Variants in CBFA2T2 observed in about 807,000 individuals in gnomAD.
CBFA2T2 encodes protein CBFA2T2.
In CBFA2T2, 11 loss-of-function variants were observed where a neutral mutation model predicts 62.2. The ratio of observed to expected loss-of-function variants is 0.18; its 90% CI spans 0.11 to 0.29. The LOEUF is 0.29. CBFA2T2 is among the 10% of genes least tolerant of loss of function. The probability of loss-of-function intolerance (pLI) is 1.00; values close to 1 mark genes in which losing one functional copy is unlikely to be tolerated. For synonymous variants in CBFA2T2, 295 were observed against 287.5 expected (o/e 1.03, Z -0.27); for missense variants, 592 against 774.1 (o/e 0.76, Z 2.79).
At position 33,637,965 on chromosome 20, in the gene CBFA2T2, C is replaced by A. The variant is rs1331370983; in HGVS notation, c.1297+1257C>A. Among the ~76,000 whole-genome samples, 4 of 116,888 alleles carry A rather than the reference C, an allele frequency of 3.4e-5. 1 individual carries two copies. The Admixed American group carries it at 4.2e-4, about 12-fold the overall frequency. 76.7% of individuals were successfully genotyped at this position (116,888 alleles called of 152,430 possible). On this transcript the variant is annotated intron_variant, in intron 9 of 10. Transcript: ENST00000342704. ...TACAGACGTGAGCCACTGCACCCGG[C>A]CTTTTTTTTTTTTTTTTTTTTTTTT...
chr20:33,503,902 A>G (rs2011350985), intron 1 of CBFA2T2, among the ~76,000 whole-genome samples: 1 of 151,354 alleles, frequency 6.6e-6, no homozygotes, highest in Admixed American at 6.6e-5. Flanking sequence ...TTTTCATGGC[A>G]TAGTTCTATT....
intron 2 of CBFA2T2, 90 bp from the exon 3 acceptor site, chr20:33,611,004 T>C (rs1442538993): frequency 2.0e-6 from 3 of 1,529,390 alleles, no homozygotes; most frequent in African/African-American, 1.4e-5. Context: ...AAAATTCAAA[T>C]GAACAAACGA....
chr20:33,590,187 A>G (rs1235025492), intron 1 of CBFA2T2, among the ~76,000 whole-genome samples: 1 of 151,530 alleles, frequency 6.6e-6, no homozygotes, highest in African/African-American at 2.4e-5. Context: ...TTCAGGCTGC[A>G]GTGAGCCTAG....
At chr20:33,566,082 C>T (rs1279399183) in intron 1 of CBFA2T2, among the ~76,000 whole-genome samples, 1 of 152,050 alleles carries the variant, frequency 6.6e-6, no homozygotes, top group African/African-American at 2.4e-5. Context: ...TAGTCAAACA[C>T]ATTATTTTAT....
At chr20:33,531,867 A>G (rs2012071467) in intron 1 of CBFA2T2, among the ~76,000 whole-genome samples, 1 of 152,254 alleles carries the variant, frequency 6.6e-6, no homozygotes, top group Middle Eastern at 3.2e-3. Context: ...GAAAGCTGGT[A>G]AAGATCAAGT....
intron 1 of CBFA2T2, among the ~76,000 whole-genome samples, chr20:33,500,284 G>A (rs887624299): frequency 3.3e-5 from 5 of 151,896 alleles, no homozygotes; most frequent in African/African-American, 4.8e-5. Context: ...ACCCTCTATC[G>A]CATGGCTTCT....
At chr20:33,640,059 C>T (rs1030579108) in intron 9 of CBFA2T2, among the ~76,000 whole-genome samples, 2 of 152,206 alleles carry the variant, frequency 1.3e-5, no homozygotes, top group East Asian at 1.9e-4. Context: ...ATGACATACA[C>T]GATGGCACCT....
chr20:33,494,111 C>T (rs1218830939), intron 1 of CBFA2T2, among the ~76,000 whole-genome samples: 2 of 150,946 alleles, frequency 1.3e-5, no homozygotes, highest in African/African-American at 4.9e-5. Context: ...AAACTCCTGA[C>T]CTAAAGTGAT....
At chr20:33,575,316 T>G (rs1449479556) in intron 1 of CBFA2T2, among the ~76,000 whole-genome samples, 1 of 152,250 alleles carries the variant, frequency 6.6e-6, no homozygotes, top group Non-Finnish European at 1.5e-5. Context: ...CCCTGCTGTT[T>G]AAAATTAGTT....
chr20:33,630,125 T>A (rs1051770424), intron 8 of CBFA2T2, among the ~76,000 whole-genome samples: 3 of 151,964 alleles, frequency 2.0e-5, no homozygotes, highest in Non-Finnish European at 4.4e-5. Flanking sequence ...GGTTTTTTTG[T>A]TTTGGATAGA....
chr20:33,619,567 A>G lies in CBFA2T2; in HGVS notation c.471A>G (p.Thr157=), dbSNP rs1215932602. The change falls in exon 4 of 11, where the codon ACA becomes ACG. Residue 157 remains threonine (T), a synonymous_variant. Coordinates refer to ENST00000342704, the MANE Select transcript of CBFA2T2 (RefSeq NM_001032999.3). ...TCCACTGTAAGCTCCAAGAAGCCAC[A>G]AACTTTCCCCTTCGTCCTTTTGTGA... ...EEFHCKLQEA[T]NFPLRPFVIP... The G allele has an allele frequency of 1.9e-6, 3 of 1,610,114 alleles. No homozygotes were observed. The highest frequency in any genetic ancestry group is 1.7e-6 in the Non-Finnish European group (2 of 1,178,286).
intron 1 of CBFA2T2, among the ~76,000 whole-genome samples, chr20:33,536,343 A>T (rs1383999293): frequency 7.3e-6 from 1 of 136,470 alleles, no homozygotes; most frequent in Non-Finnish European, 1.6e-5. Flanking sequence ...CTGGCCGGGC[A>T]GAGGGGCTCC....
In CBFA2T2 at chr20:33,491,307, T is replaced by C. The variant is rs578003359; in HGVS notation, c.34+1006T>C. Among the ~76,000 whole-genome samples, 11 of 152,272 alleles carry C rather than the reference T, an allele frequency of 7.2e-5. No individual in the cohort carries two copies. In the East Asian group the frequency reaches 2.1e-3, roughly 29 times the overall value. Reference sequence around the variant, plus strand: ...ATACAATAAACAAGATAGACCGAACTGGGGTTTTGAGTTTAGTTAGGAGAG... The same window carrying C: ...ATACAATAAACAAGATAGACCGAACCGGGGTTTTGAGTTTAGTTAGGAGAG... On this transcript the variant is annotated intron_variant, in intron 1 of 10. Coordinates refer to ENST00000342704, the MANE Select transcript of CBFA2T2 (RefSeq NM_001032999.3).
At chr20:33,637,485 T>G (rs771578664) in intron 9 of CBFA2T2, among the ~76,000 whole-genome samples, 2 of 152,184 alleles carry the variant, frequency 1.3e-5, no homozygotes, top group Non-Finnish European at 2.9e-5. Context: ...TGCAAAATAT[T>G]TTTCCTTACT....
intron 1 of CBFA2T2, chr20:33,562,649 G>A (rs2013131699): frequency 1.0e-6 from 1 of 985,382 alleles, no homozygotes; most frequent in Non-Finnish European, 1.2e-6. Context: ...TAAGAATCTG[G>A]ATTGTTTATA....
intron 1 of CBFA2T2, among the ~76,000 whole-genome samples, chr20:33,549,788 C>T (rs1193761657): frequency 6.6e-6 from 1 of 151,796 alleles, no homozygotes; most frequent in African/African-American, 2.4e-5. Context: ...AGGTTTTTTC[C>T]CCTGCTGCAA....
intron 1 of CBFA2T2, among the ~76,000 whole-genome samples, chr20:33,542,247 A>G (rs747867502): frequency 1.2e-4 from 18 of 152,136 alleles, no homozygotes; most frequent in East Asian, 1.9e-4. Context: ...TTGCTCTTCT[A>G]TTGCCTGAGT....
rs2017035424 is a variant in CBFA2T2 at position 33,646,007 on chromosome 20, T to C, written c.*1361T>C. On this transcript the variant is annotated 3_prime_UTR_variant, in exon 11 of 11. Transcript: ENST00000342704. ...TCTTTTTGGGTTTTGTTTTTTGTTG[T>C]TGTGGTGGTTTTTTAACACAAAGTC... 1 of 152,156 alleles carries C rather than the reference T, an allele frequency of 6.6e-6. No homozygotes were observed. The highest frequency in any genetic ancestry group is 3.2e-3 in the Middle Eastern group (1 of 316). The allele number at this position is 152,156 out of a possible 1,614,324, so 9.4% of individuals were successfully genotyped here. A position where few individuals can be genotyped will look rare whatever the true frequency, so the allele number is the denominator to read the frequency against.
At chr20:33,626,488 G>T (rs1027423456) in intron 6 of CBFA2T2, among the ~76,000 whole-genome samples, 2 of 152,134 alleles carry the variant, frequency 1.3e-5, no homozygotes, top group Middle Eastern at 3.2e-3. Context: ...TGGTATATAG[G>T]TGCTCAGAAA....
Sources: allele counts gnomAD v4.1 joint callset (sites outside exome capture counted in the v4.1 genomes callset), GRCh38; gene constraint gnomAD v4.1.1; transcripts MANE v1.5; gene names NCBI Gene and HGNC (gene_info 2026-07-23, HGNC 2026-07-21).